Variants in COL11A2 observed in about 807,000 individuals in gnomAD.
COL11A2 encodes the protein collagen type XI alpha 2 chain, also known as collagen alpha-2(XI) chain.
In COL11A2, 116 loss-of-function variants were observed where a neutral mutation model predicts 273.4. That is an observed-to-expected ratio of 0.42 (90% CI 0.36 to 0.49). The LOEUF (loss-of-function observed/expected upper bound fraction) is 0.49. Among genes scored for constraint, COL11A2 ranks in the 20% least tolerant of loss-of-function variants. The pLI is 0.00. For missense variants in COL11A2, 1,866 were observed against 2,309.0 expected, an observed-to-expected ratio of 0.81 and a Z score of 3.93; for synonymous variants, 782 against 864.2, an observed-to-expected ratio of 0.90 and a Z score of 1.67.
In COL11A2 at chr6:33,170,485, G is replaced by T. The variant is rs182642507; in HGVS notation, c.3528+72C>A. On this transcript the variant is annotated intron_variant, in intron 47 of 65. Coordinates refer to ENST00000341947, the MANE Select transcript of COL11A2 (RefSeq NM_080680.3). This position sits in a 1 kb window ranked among gnomAD's most constrained non-coding sequence, Gnocchi z 4.3. ...GCCAGGCCAGGGAGTTGGCAGTGGG[G>T]TGTGGGGTGGGGGCTGGCCAGGGAG... The T allele has an allele frequency of 3.8e-4, 593 of 1,572,776 alleles. No homozygotes were observed. The highest frequency in any genetic ancestry group is 4.7e-4 in the Non-Finnish European group (543 of 1,148,848).
chr6:33,176,604 G>A lies in COL11A2; in HGVS notation c.2115+117C>T. ...TGTCTGGGTAGGGTTACGGGGCACA[G>A]GAATTGAGAATGTGGCAGAGCCATA... On this transcript the variant is annotated intron_variant, in intron 26 of 65. Coordinates refer to ENST00000341947, the MANE Select transcript of COL11A2 (RefSeq NM_080680.3). The surrounding 1 kb of genome is among the most constrained non-coding windows in gnomAD (Gnocchi z 4.9). The A allele has an allele frequency of 7.2e-7, 1 of 1,388,190 alleles. No homozygotes were observed. The highest frequency in any genetic ancestry group is 1.0e-6 in the Non-Finnish European group (1 of 985,810). 86.0% of individuals were successfully genotyped at this position (1,388,190 alleles called of 1,614,324 possible). A position where few individuals can be genotyped will look rare whatever the true frequency, so the allele number is the denominator to read the frequency against.
chr6:33,184,447 T>C (rs995563335), intron 7 of COL11A2, 123 bp from the exon 8 acceptor site: 17 of 657,248 alleles, frequency 2.6e-5, no homozygotes, highest in Admixed American at 6.9e-5. Context: ...CAGAACTGGA[T>C]TTTTTCTCCC....
Position 33,177,400 on chromosome 6 carries a change from G to GGCACC in COL11A2, c.1971+7_1971+11dup. The GGCACC allele has an allele frequency of 6.2e-7, 1 of 1,612,802 alleles. No homozygotes were observed. Among genetic ancestry groups the GGCACC allele is most frequent in the Non-Finnish European group, 8.5e-7 (1 of 1,179,894 alleles). On this transcript the variant is annotated intron_variant, in intron 23 of 65. Coordinates refer to ENST00000341947, the MANE Select transcript of COL11A2 (RefSeq NM_080680.3). This position sits in a 1 kb window ranked among gnomAD's most constrained non-coding sequence, Gnocchi z 5.9. ...CATGAAAATTGGGGAACGGAGTAGGGGCACCGCTCACCTGGGTCCCAGGGG... is the reference window on the plus strand; with the variant it reads ...CATGAAAATTGGGGAACGGAGTAGGGGCACCGCACCGCTCACCTGGGTCCCAGGGG...
In COL11A2 at chr6:33,169,638, C is replaced by G; in HGVS notation, c.3691-148G>C. On this transcript the variant is annotated intron_variant, in intron 50 of 65. Transcript: ENST00000341947. The surrounding 1 kb of genome is among the most constrained non-coding windows in gnomAD (Gnocchi z 5.5). Reference sequence around the variant, plus strand: ...AAAGTCAAGCCTACAAGGGGAGTTCCCTAGTCCCCTTCCCTTCAAGAAAGG... The same window carrying G: ...AAAGTCAAGCCTACAAGGGGAGTTCGCTAGTCCCCTTCCCTTCAAGAAAGG... The G allele has an allele frequency of 9.5e-7, 1 of 1,050,798 alleles. No homozygotes were observed. The highest frequency in any genetic ancestry group is 1.5e-6 in the Non-Finnish European group (1 of 684,758). The allele number at this position is 1,050,798 out of a possible 1,614,324, so 65.1% of individuals were successfully genotyped here.
chr6:33,177,648 T>C lies in COL11A2; in HGVS notation c.1917+14A>G, dbSNP rs1562354499. ...GGATAAGAATGGGGGTGGGATCTCC[T>C]ATCCATCACTCACCAAGCTCCCTTT... On this transcript the variant is annotated intron_variant, in intron 22 of 65. Transcript: ENST00000341947. This position sits in a 1 kb window ranked among gnomAD's most constrained non-coding sequence, Gnocchi z 5.9. 1.2e-6 allele frequency: 2 copies of C among 1,612,846 alleles called. No individual in the cohort carries two copies. The highest frequency in any genetic ancestry group is 1.7e-6 in the Non-Finnish European group (2 of 1,179,878).
At chr6:33,168,443 C>T in intron 54 of COL11A2, 76 bp downstream of exon 54, 1 of 1,519,686 alleles carries the variant, frequency 6.6e-7, no homozygotes, top group Non-Finnish European at 9.1e-7. Context: ...CCACCCATCC[C>T]ACCTGCCATT....
Position 33,172,276 on chromosome 6 carries a change from G to T in COL11A2, c.2988+13C>A. 1 of 1,584,526 alleles carries T rather than the reference G, an allele frequency of 6.3e-7. No individual in the cohort carries two copies. Among genetic ancestry groups the T allele is most frequent in the Non-Finnish European group, 8.6e-7 (1 of 1,165,470 alleles). ...GTGCTTGTGACAGGCAGGGGTCTGGGAGTCACACTCACAGCAGTGCCTGGG... is the reference window on the plus strand; with the variant it reads ...GTGCTTGTGACAGGCAGGGGTCTGGTAGTCACACTCACAGCAGTGCCTGGG... On this transcript the variant is annotated intron_variant, in intron 40 of 65. Transcript: ENST00000341947.
chr6:33,186,296 C>A (rs1772413344), intron 5 of COL11A2: 3 of 925,294 alleles, frequency 3.2e-6, no homozygotes, highest in East Asian at 5.6e-5. Context: ...GGCTTCAGTC[C>A]CCTCTCCTAC....
intron 29 of COL11A2, 140 bp from the exon 30 acceptor site, chr6:33,175,821 G>A (rs762160034): frequency 1.7e-4 from 177 of 1,067,774 alleles, no homozygotes; most frequent in Middle Eastern, 1.4e-3. Flanking sequence ...CACAGGGTAG[G>A]GATAGTGTAG....
Position 33,177,391 on chromosome 6 carries a change from C to T in COL11A2, c.1971+21G>A, listed in dbSNP as rs372932745. The T allele has an allele frequency of 5.6e-5, 90 of 1,612,396 alleles. No homozygotes were observed. Among genetic ancestry groups the T allele is most frequent in the Admixed American group, 1.0e-4 (6 of 59,992 alleles). Reference sequence around the variant, plus strand: ...AAGGGAAGTCATGAAAATTGGGGAACGGAGTAGGGGCACCGCTCACCTGGG... The same window carrying T: ...AAGGGAAGTCATGAAAATTGGGGAATGGAGTAGGGGCACCGCTCACCTGGG... On this transcript the variant is annotated intron_variant, in intron 23 of 65. Coordinates refer to ENST00000341947, the MANE Select transcript of COL11A2 (RefSeq NM_080680.3). This position sits in a 1 kb window ranked among gnomAD's most constrained non-coding sequence, Gnocchi z 5.9.
chr6:33,172,378 C>T lies in COL11A2; in HGVS notation c.2899G>A (p.Gly967Ser), dbSNP rs1292684133. The change falls in exon 40 of 66, where the codon GGT (glycine) becomes AGT (serine). Residue 967 changes from glycine (G) to serine (S), a missense_variant and splice_region_variant. Transcript: ENST00000341947. Reference protein sequence around the residue: ...PGTAGKEGTKGDPGPPGAPGK... With the variant: ...PGTAGKEGTKSDPGPPGAPGK... ...GGGGCCCCAGGGGGACCAGGGTCAC[C>T]CTAAAAGGAAAGGAGAGGTGATGAG... 2.5e-6 allele frequency: 4 copies of T among 1,585,134 alleles called. No homozygotes were observed. The highest frequency in any genetic ancestry group is 3.4e-6 in the Non-Finnish European group (4 of 1,166,238).
rs1218064794 is a variant in COL11A2 at position 33,169,945 on chromosome 6, C to T, written c.3637-61G>A. 1.2e-6 allele frequency: 2 copies of T among 1,612,924 alleles called. No individual in the cohort carries two copies. Among genetic ancestry groups the T allele is most frequent in the African/African-American group, 1.3e-5 (1 of 74,996 alleles). ...TCCCCAGCCAAAAAATTCTGATATT[C>T]CCCACATCTCATTCTCTTTTGTCTC... On this transcript the variant is annotated intron_variant, in intron 49 of 65. Transcript: ENST00000341947. The surrounding 1 kb of genome is among the most constrained non-coding windows in gnomAD (Gnocchi z 5.5).
chr6:33,163,626 G>A lies in COL11A2; in HGVS notation c.*52C>T. The A allele has an allele frequency of 6.2e-7, 1 of 1,612,718 alleles. No homozygotes were observed. The highest frequency in any genetic ancestry group is 8.5e-7 in the Non-Finnish European group (1 of 1,179,730). On this transcript the variant is annotated 3_prime_UTR_variant, in exon 66 of 66. Coordinates refer to ENST00000341947, the MANE Select transcript of COL11A2 (RefSeq NM_080680.3). This position sits in a 1 kb window ranked among gnomAD's most constrained non-coding sequence, Gnocchi z 4.1. ...GGAGGTGGCACAGAGCTGATGTTGT[G>A]GGATTCCAGGTGGGCCTGGTTCCGA... is the stretch of plus-strand genomic sequence containing the variant.
chr6:33,192,525 C>T (rs1010200789), upstream of COL11A2: 4 of 525,902 alleles, frequency 7.6e-6, no homozygotes, highest in Admixed American at 1.0e-4. Context: ...CGGCCCGGCC[C>T]CCGCCTCCAG....
Position 33,178,766 on chromosome 6 carries a change from C to T in COL11A2, c.1666-34G>A, listed in dbSNP as rs1399425303. On this transcript the variant is annotated intron_variant, in intron 17 of 65. Coordinates refer to ENST00000341947, the MANE Select transcript of COL11A2 (RefSeq NM_080680.3). This position sits in a 1 kb window ranked among gnomAD's most constrained non-coding sequence, Gnocchi z 4.6. ...AGGAAGGATAGCCAGAGTGAGGACA[C>T]GACCCTGTCCAAGCCCACCCCTCCC... 1.4e-5 allele frequency: 22 copies of T among 1,611,890 alleles called. No individual in the cohort carries two copies. The highest frequency in any genetic ancestry group is 4.0e-5 in the African/African-American group (3 of 74,810).
At position 33,188,021 on chromosome 6, in the gene COL11A2, T is replaced by C. The variant is rs558934243; in HGVS notation, c.606+341A>G. ...GGCGTGTGATGCATAGATGAGTAAA[T>C]AGATGGGGGAGTGGGTGGTGGATGT... On this transcript the variant is annotated intron_variant, in intron 4 of 65. Coordinates refer to ENST00000341947, the MANE Select transcript of COL11A2 (RefSeq NM_080680.3). Among the ~76,000 whole-genome samples, 631 of 150,846 alleles carry C rather than the reference T, an allele frequency of 4.2e-3. 8 individuals are homozygous for C. The highest frequency in any genetic ancestry group is 0.015 in the African/African-American group (617 of 40,998).
In COL11A2 at chr6:33,176,360, G is replaced by T; in HGVS notation, c.2170-57C>A. 6.2e-7 allele frequency: 1 copy of T among 1,600,320 alleles called. No homozygotes were observed. Among genetic ancestry groups the T allele is most frequent in the South Asian group, 1.1e-5 (1 of 89,598 alleles). ...ATCAGGGGATGGAGGTGGGTTGGAAGGACCAAGCTCCTAAGACCCCATATA... is the reference window on the plus strand; with the variant it reads ...ATCAGGGGATGGAGGTGGGTTGGAATGACCAAGCTCCTAAGACCCCATATA... On this transcript the variant is annotated intron_variant, in intron 27 of 65. Coordinates refer to ENST00000341947, the MANE Select transcript of COL11A2 (RefSeq NM_080680.3). This position sits in a 1 kb window ranked among gnomAD's most constrained non-coding sequence, Gnocchi z 4.9.
rs1449050998 is a variant in COL11A2 at position 33,170,030 on chromosome 6, A to AC, written c.3636+16dup. On this transcript the variant is annotated intron_variant, in intron 49 of 65. Coordinates refer to ENST00000341947, the MANE Select transcript of COL11A2 (RefSeq NM_080680.3). This position sits in a 1 kb window ranked among gnomAD's most constrained non-coding sequence, Gnocchi z 4.3. ...CCCCACTTCCATGACTGGTCCACTCACCCCCTTCCCAGTTACCTTCTCTCC... is the reference window on the plus strand; with the variant it reads ...CCCCACTTCCATGACTGGTCCACTCACCCCCCTTCCCAGTTACCTTCTCTCC... 2 of 1,612,200 alleles carry AC rather than the reference A, an allele frequency of 1.2e-6. No individual in the cohort carries two copies. The highest frequency in any genetic ancestry group is 1.7e-6 in the Non-Finnish European group (2 of 1,179,774).
chr6:33,168,235 G>A (rs1329441860), intron 54 of COL11A2, among the ~76,000 whole-genome samples: 3 of 151,718 alleles, frequency 2.0e-5, no homozygotes, highest in Non-Finnish European at 4.4e-5. Context: ...GAACAAACAT[G>A]CCCGAGATAC....
Sources: allele counts gnomAD v4.1 joint callset (sites outside exome capture counted in the v4.1 genomes callset), GRCh38; gene constraint gnomAD v4.1.1; non-coding constraint Gnocchi (gnomAD v3.1); transcripts MANE v1.5; gene names NCBI Gene and HGNC (gene_info 2026-07-23, HGNC 2026-07-21).